The following DSE variants were observed in gnomAD, a reference collection of about 807,000 sequenced individuals.
DSE encodes the protein dermatan sulfate epimerase.
Under a neutral mutation model 84.4 loss-of-function variants are expected in DSE, and 36 were observed. The ratio of observed to expected loss-of-function variants is 0.43; its 90% CI spans 0.33 to 0.56. The LOEUF (loss-of-function observed/expected upper bound fraction) is 0.56. Ranked by LOEUF, DSE falls within the 20% of genes least tolerant of loss-of-function variation. The pLI is 0.06. For synonymous variants in DSE, 410 were observed against 430.1 expected, an observed-to-expected ratio of 0.95 and a Z score of 0.58; for missense variants, 862 against 1,169.6, an observed-to-expected ratio of 0.74 and a Z score of 3.84.
chr6:116,389,972 G>C (rs1043118948), intron 1 of DSE, among the ~76,000 whole-genome samples: 1 of 151,216 alleles, frequency 6.6e-6, no homozygotes, highest in African/African-American at 2.4e-5. Context: ...AAAAACCTCA[G>C]AGACATCATT....
intron 2 of DSE, among the ~76,000 whole-genome samples, chr6:116,265,116 G>A (rs1050647446): frequency 5.3e-5 from 8 of 152,110 alleles, no homozygotes; most frequent in South Asian, 2.1e-4. Flanking sequence ...GCTAGCAGGC[G>A]CCATGCTAGC....
At chr6:116,432,642 C>T (rs1783915881) in intron 4 of DSE, 1 of 148,800 alleles carries the variant, frequency 6.7e-6, no homozygotes, top group African/African-American at 2.5e-5. Flanking sequence ...ACAGTTGATA[C>T]TCTAGTAGCA....
chr6:116,266,044 C>T (rs1772611448), intron 2 of DSE, among the ~76,000 whole-genome samples: 1 of 152,168 alleles, frequency 6.6e-6, no homozygotes, highest in Non-Finnish European at 1.5e-5. Flanking sequence ...CTCACCCATT[C>T]CCTTGGAGCC....
chr6:116,387,178 A>G (rs769086616), intron 1 of DSE, among the ~76,000 whole-genome samples: 2 of 152,130 alleles, frequency 1.3e-5, no homozygotes, highest in Non-Finnish European at 1.5e-5. Flanking sequence ...AGTATATGTG[A>G]TATTTATTGG....
At chr6:116,386,313 G>A (rs1244016923) in intron 1 of DSE, among the ~76,000 whole-genome samples, 1 of 152,162 alleles carries the variant, frequency 6.6e-6, no homozygotes, top group Admixed American at 6.5e-5. Flanking sequence ...GAAGATAAAG[G>A]GCATATGGAT....
At chr6:116,274,143 G>A (rs1327326979) in intron 2 of DSE, among the ~76,000 whole-genome samples, 2 of 151,954 alleles carry the variant, frequency 1.3e-5, no homozygotes, top group Non-Finnish European at 2.9e-5. Flanking sequence ...TTTTCAAGTA[G>A]TACGCGTTCA....
chr6:116,276,984 G>A (rs1773171660), intron 2 of DSE: 2 of 152,138 alleles, frequency 1.3e-5, no homozygotes, highest in Non-Finnish European at 2.9e-5. Context: ...ATGTTTCTAG[G>A]AATATAGTTT....
At chr6:116,338,185 CTT>C (rs1777369694) in intron 2 of DSE, among the ~76,000 whole-genome samples, 1 of 139,534 alleles carries the variant, frequency 7.2e-6, no homozygotes, top group Non-Finnish European at 1.6e-5. Flanking sequence ...CTCTTTCTTT[CTT>C]TCTTTCTTTC....
At chr6:116,327,120 G>A (rs1050879847) in intron 2 of DSE, among the ~76,000 whole-genome samples, 12 of 152,182 alleles carry the variant, frequency 7.9e-5, no homozygotes, top group Non-Finnish European at 1.3e-4. Context: ...AGTGCATACA[G>A]TAAAGAGAGA....
At chr6:116,284,107 C>A (rs184405417) in intron 2 of DSE, among the ~76,000 whole-genome samples, 1 of 152,282 alleles carries the variant, frequency 6.6e-6, no homozygotes. Context: ...GGGAAAACAT[C>A]TGCAAAAAAC....
At chr6:116,258,385 A>C (rs2043140085) in intron 1 of DSE, 1 of 665,114 alleles carries the variant, frequency 1.5e-6, no homozygotes, top group Non-Finnish European at 2.7e-6. Flanking sequence ...GTATATCAAC[A>C]TGCACATTTT....
In DSE at chr6:116,443,513, A is replaced by G. The variant is rs1487419241; in HGVS notation, c.*6168A>G. On this transcript the variant is annotated 3_prime_UTR_variant, in exon 6 of 6. Transcript: ENST00000644252. The stretch of plus-strand genomic sequence containing the variant: ...AGACTGGAAAAGTAGACCAGGCTCC[A>G]GGGCAGGAGGGTCTCTTTTCCTCAC... 1 of 152,214 alleles carries G rather than the reference A, an allele frequency of 6.6e-6. No homozygotes were observed. Among genetic ancestry groups the G allele is most frequent in the Non-Finnish European group, 1.5e-5 (1 of 68,022 alleles). The allele number at this position is 152,214 out of a possible 1,614,324, so 9.4% of individuals were successfully genotyped here.
At chr6:116,290,173 C>T (rs907944803) in intron 2 of DSE, among the ~76,000 whole-genome samples, 4 of 151,988 alleles carry the variant, frequency 2.6e-5, no homozygotes, top group Non-Finnish European at 4.4e-5. Flanking sequence ...TGTACTATGC[C>T]ATGTTGCTTT....
chr6:116,264,138 C>G (rs1246212955), intron 2 of DSE, among the ~76,000 whole-genome samples: 1 of 152,150 alleles, frequency 6.6e-6, no homozygotes, highest in Non-Finnish European at 1.5e-5. Flanking sequence ...ATGTTGGCCT[C>G]TCTCACTAGG....
chr6:116,279,388 GC>G, intron 2 of DSE: 1 of 1,612,702 alleles, frequency 6.2e-7, no homozygotes. Flanking sequence ...CTCAGCCTCC[GC>G]CCCCGCCGTC....
chr6:116,261,420 A>C (rs942579578), intron 2 of DSE, among the ~76,000 whole-genome samples: 2 of 151,600 alleles, frequency 1.3e-5, no homozygotes, highest in African/African-American at 4.9e-5. Flanking sequence ...CCTCAGCTTG[A>C]CTGTTTTTGG....
intron 2 of DSE, among the ~76,000 whole-genome samples, chr6:116,301,642 A>AT (rs997497052): frequency 1.6e-4 from 24 of 151,832 alleles, no homozygotes; most frequent in Non-Finnish European, 3.2e-4. Context: ...AAAAACCAGC[A>AT]TTTTTTTTAA....
chr6:116,423,355 G>A (rs995994983), intron 2 of DSE, among the ~76,000 whole-genome samples: 2 of 134,058 alleles, frequency 1.5e-5, no homozygotes, highest in Non-Finnish European at 3.3e-5. Flanking sequence ...AATCTAGAAG[G>A]CTTCTGCGTT....
At chr6:116,278,492 G>A in intron 2 of DSE, 1 of 1,613,492 alleles carries the variant, frequency 6.2e-7, no homozygotes, top group Non-Finnish European at 8.5e-7. Context: ...GAGACCTTGT[G>A]CAGGAGTATT....
Sources: gnomAD v4.1 joint callset for allele counts (sites outside exome capture counted in the v4.1 genomes callset) on GRCh38, gnomAD v4.1.1 for gene constraint, MANE v1.5 for transcripts, NCBI Gene and HGNC (gene_info 2026-07-23, HGNC 2026-07-21) for gene names.